MIB1: variants seen among roughly 807,000 people sequenced by gnomAD.
MIB1 encodes E3 ubiquitin-protein ligase MIB1.
In MIB1, 278 loss-of-function variants were observed where a neutral mutation model predicts 124.5. That is an observed-to-expected ratio of 2.23 (90% CI 2.02 to 2.47). The LOEUF (loss-of-function observed/expected upper bound fraction) is 2.47, where lower values mean the gene tolerates loss of function less well. MIB1 is among the 30% of genes most tolerant of loss of function. The pLI is 0.00. For missense variants in MIB1, 957 were observed against 1,254.4 expected, an observed-to-expected ratio of 0.76 and a Z score of 3.58; for synonymous variants, 446 against 429.4, an observed-to-expected ratio of 1.04 and a Z score of -0.48.
chr18:21,757,686 A>G (rs895617432), intron 1 of MIB1, among the ~76,000 whole-genome samples: 6 of 150,820 alleles, frequency 4.0e-5, no homozygotes, highest in African/African-American at 1.2e-4. Context: ...GGGTTTCACC[A>G]TGTTGACCAG....
At chr18:21,802,654 C>T (rs567703123) in intron 9 of MIB1, among the ~76,000 whole-genome samples, 27 of 152,136 alleles carry the variant, frequency 1.8e-4, no homozygotes, top group Non-Finnish European at 3.5e-4. Flanking sequence ...TTTTTCACGT[C>T]AGAGCCATTC....
Position 21,741,737 on chromosome 18 carries a change from TGG to T in MIB1, c.156_157del (p.Trp52Ter), listed in dbSNP as rs1227977347. The T allele has an allele frequency of 6.2e-7, 1 of 1,611,232 alleles. No individual in the cohort carries two copies. Among genetic ancestry groups the T allele is most frequent in the Non-Finnish European group, 8.5e-7 (1 of 1,179,310 alleles). ...FESPEEVVVVWDNGTAANYRC... is the reference protein window; with the variant it reads ...FESPEEVVVVXDNGTAANYRC... ...GAGCCCCGAGGAGGTGGTGGTAGTG[TGG>T]GACAACGGCACAGCTGCCAACTACC... On this transcript the variant is annotated frameshift_variant, in exon 1 of 21. Transcript: ENST00000261537. LOFTEE classifies it high-confidence loss of function. The surrounding 1 kb of genome is among the most constrained non-coding windows in gnomAD (Gnocchi z 5.4).
intron 14 of MIB1, among the ~76,000 whole-genome samples, chr18:21,843,543 T>C (rs1202844146): frequency 1.3e-5 from 2 of 152,374 alleles, no homozygotes; most frequent in African/African-American, 4.8e-5. Flanking sequence ...ATATGTCAAC[T>C]GTGCATTTTT....
chr18:21,739,776 G>C (rs1480244296), upstream of MIB1, among the ~76,000 whole-genome samples: 1 of 151,952 alleles, frequency 6.6e-6, no homozygotes, highest in Non-Finnish European at 1.5e-5. Context: ...TTAGCTGGGC[G>C]TGGTTGTGCG....
rs867485947 is a variant in MIB1 at position 21,741,345 on chromosome 18, A to T, written c.-239A>T. On this transcript the variant is annotated 5_prime_UTR_variant, in exon 1 of 21. Coordinates refer to ENST00000261537, the MANE Select transcript of MIB1 (RefSeq NM_020774.4). The surrounding 1 kb of genome is among the most constrained non-coding windows in gnomAD (Gnocchi z 5.4). ...TGCCCGCTCTCCGCCGCCGCCTCCGAGCAGCCGCGGGCCGCCCTCCACTCC... is the reference window on the plus strand; with the variant it reads ...TGCCCGCTCTCCGCCGCCGCCTCCGTGCAGCCGCGGGCCGCCCTCCACTCC... The T allele has an allele frequency of 4.3e-4, 78 of 180,792 alleles. No homozygotes were observed. Among genetic ancestry groups the T allele is most frequent in the Middle Eastern group, 4.6e-3 (2 of 438 alleles). The allele number at this position is 180,792 out of a possible 1,614,324, so 11.2% of individuals were successfully genotyped here. A position where few individuals can be genotyped will look rare whatever the true frequency, so the allele number is the denominator to read the frequency against.
chr18:21,835,451 T>G (rs1188835561), intron 12 of MIB1, among the ~76,000 whole-genome samples: 1 of 151,946 alleles, frequency 6.6e-6, no homozygotes, highest in Non-Finnish European at 1.5e-5. Flanking sequence ...GATTAAATGG[T>G]AAGAAGGGTA....
At chr18:21,797,944 C>G (rs1048543827) in intron 7 of MIB1, 140 bp from the exon 8 acceptor site, 90 of 655,730 alleles carry the variant, frequency 1.4e-4, no homozygotes, top group Non-Finnish European at 1.1e-4. Context: ...ATTCAAATAA[C>G]CCATTTCAGT....
Position 21,847,015 on chromosome 18 carries a change from CA to C in MIB1, c.2285del (p.Asn762MetfsTer5). 1.2e-6 allele frequency: 2 copies of C among 1,614,064 alleles called. No individual in the cohort carries two copies. Among genetic ancestry groups the C allele is most frequent in the Non-Finnish European group, 1.7e-6 (2 of 1,179,994 alleles). ...AASIACFLAA[N>X]GADLSIRNKK... Reference sequence around the variant, plus strand: ...CATCTATTGCCTGTTTCTTGGCAGCCAATGGTGCTGACCTGAGCATTCGAAA... The same window carrying C: ...CATCTATTGCCTGTTTCTTGGCAGCCATGGTGCTGACCTGAGCATTCGAAA... On this transcript the variant is annotated frameshift_variant, in exon 16 of 21. Coordinates refer to ENST00000261537, the MANE Select transcript of MIB1 (RefSeq NM_020774.4). LOFTEE classifies it high-confidence loss of function.
intron 1 of MIB1, among the ~76,000 whole-genome samples, chr18:21,715,115 G>C (rs1364062016): frequency 1.3e-5 from 2 of 152,178 alleles, no homozygotes; most frequent in Non-Finnish European, 2.9e-5. Flanking sequence ...TGCTCCTGTA[G>C]GACCCAGGAG....
At position 21,768,753 on chromosome 18, in the gene MIB1, G is replaced by A. The variant is rs1195745791; in HGVS notation, c.531+1G>A. 3.7e-6 allele frequency: 6 copies of A among 1,608,158 alleles called. No homozygotes were observed. The highest frequency in any genetic ancestry group is 1.3e-5 in the African/African-American group (1 of 74,748). ...TGGAGGAAATGGACGTAGGGGAAAG[G>A]TACAGTGTTTCTCTGAATTCATTAT... is the stretch of plus-strand genomic sequence containing the variant. On this transcript the variant is annotated splice_donor_variant, in intron 3 of 20. Transcript: ENST00000261537. LOFTEE classifies it high-confidence loss of function.
chr18:21,830,639 C>A (rs1292722035), intron 12 of MIB1: 3 of 152,040 alleles, frequency 2.0e-5, no homozygotes, highest in African/African-American at 7.2e-5. Flanking sequence ...TAGTGTCATG[C>A]AGCATTTGCA....
intron 1 of MIB1, among the ~76,000 whole-genome samples, chr18:21,722,130 C>T (rs568794771): frequency 2.2e-4 from 33 of 152,166 alleles, no homozygotes; most frequent in African/African-American, 7.7e-4. Flanking sequence ...TCTCAGCTCA[C>T]TGCAACCTCT....
chr18:21,708,993 A>G (rs1598576640), intron 1 of MIB1, among the ~76,000 whole-genome samples: 1 of 152,304 alleles, frequency 6.6e-6, no homozygotes, highest in East Asian at 1.9e-4. Context: ...CCAGAGAACA[A>G]GGCTTAGAAG....
chr18:21,773,962 G>A (rs1368772628), intron 4 of MIB1, among the ~76,000 whole-genome samples: 1 of 152,092 alleles, frequency 6.6e-6, no homozygotes, highest in Admixed American at 6.5e-5. Context: ...AGTCCAGGGG[G>A]TTTATTTACG....
intron 6 of MIB1, among the ~76,000 whole-genome samples, chr18:21,786,129 C>G (rs1361708847): frequency 6.6e-6 from 1 of 151,744 alleles, no homozygotes; most frequent in Non-Finnish European, 1.5e-5. Context: ...CAGAGTCTCT[C>G]TCTGTCACCC....
intron 6 of MIB1, among the ~76,000 whole-genome samples, chr18:21,788,235 T>C (rs563753446): frequency 6.6e-6 from 1 of 152,218 alleles, no homozygotes; most frequent in East Asian, 1.9e-4. Context: ...ATTGTCTTAC[T>C]GACATGTACA....
At chr18:21,743,077 A>C (rs539197580) in intron 1 of MIB1, among the ~76,000 whole-genome samples, 2 of 152,242 alleles carry the variant, frequency 1.3e-5, no homozygotes, top group African/African-American at 2.4e-5. Flanking sequence ...CCACAAGGCC[A>C]GGCTTCAGAT....
rs1568232790 is a variant in MIB1 at position 21,865,874 on chromosome 18, T to C, written c.*1208T>C. 2 of 152,226 alleles carry C rather than the reference T, an allele frequency of 1.3e-5. No homozygotes were observed. The highest frequency in any genetic ancestry group is 3.9e-4 in the East Asian group (2 of 5,176). The allele number at this position is 152,226 out of a possible 1,614,324, so 9.4% of individuals were successfully genotyped here. A position where few individuals can be genotyped will look rare whatever the true frequency, so the allele number is the denominator to read the frequency against. ...TACTTTAGAAAGAGTGACCAGGACA[T>C]GTATAGAAATGTCTGCTTACCTGTA... On this transcript the variant is annotated 3_prime_UTR_variant, in exon 21 of 21. Transcript: ENST00000261537.
At chr18:21,840,661 ATATATTTTTTT>A (rs2042079603) in intron 13 of MIB1, among the ~76,000 whole-genome samples, 2 of 1,918 alleles carry the variant, frequency 1.0e-3, no homozygotes, top group African/African-American at 1.7e-3. Flanking sequence ...ATATATATAT[ATATATTTTTTT>A]TTTTTTTTAA....
Sources: allele counts gnomAD v4.1 joint callset (sites outside exome capture counted in the v4.1 genomes callset), GRCh38; gene constraint gnomAD v4.1.1; non-coding constraint Gnocchi (gnomAD v3.1); transcripts MANE v1.5; gene names NCBI Gene and HGNC (gene_info 2026-07-23, HGNC 2026-07-21).